SDK1: variants seen among roughly 807,000 people sequenced by gnomAD.
SDK1 encodes the protein protein sidekick-1.
SDK1 carries 157 observed loss-of-function variants against 245.5 expected under a neutral mutation model. The observed-to-expected ratio is 0.64, with a 90% CI of 0.56 to 0.73. The LOEUF (loss-of-function observed/expected upper bound fraction) is 0.73. Ranked by LOEUF, SDK1 falls within the 30% of genes least tolerant of loss-of-function variation. The pLI is 0.00. For missense variants in SDK1, 3,583 were observed against 3,002.3 expected, an observed-to-expected ratio of 1.19 and a Z score of -4.52; for synonymous variants, 1,647 against 1,278.5, an observed-to-expected ratio of 1.29 and a Z score of -6.15.
In SDK1 at chr7:3,301,689, C is replaced by A. The variant is rs1779263808; in HGVS notation, c.103C>A (p.Arg35Ser). The A allele has an allele frequency of 1.0e-6, 1 of 973,604 alleles. No individual in the cohort carries two copies. 60.3% of individuals were successfully genotyped at this position (973,604 alleles called of 1,614,324 possible). Reference sequence around the variant, plus strand: ...GCGGCCGCGGGGATCCCCGCCCGGCCGCGCCCGCCCCTCGCTGGCGCCGCG... The same window carrying A: ...GCGGCCGCGGGGATCCCCGCCCGGCAGCGCCCGCCCCTCGCTGGCGCCGCG... Reference protein sequence around the residue: ...PGRPRGSPPGRARPSLAPRPG... With the variant: ...PGRPRGSPPGSARPSLAPRPG... Residue 35 changes from arginine to serine, a missense_variant, in exon 1 of 45, where the codon CGC becomes AGC. Transcript: ENST00000404826.
intron 4 of SDK1, among the ~76,000 whole-genome samples, chr7:3,685,224 A>AG (rs1554247546): frequency 6.6e-6 from 1 of 151,788 alleles, no homozygotes; most frequent in Non-Finnish European, 1.5e-5. Context: ...TAAAAAAAAA[A>AG]AGAGAGAAAT....
At chr7:3,873,982 C>G (rs1583499509) in intron 5 of SDK1, among the ~76,000 whole-genome samples, 1 of 151,974 alleles carries the variant, frequency 6.6e-6, no homozygotes, top group Non-Finnish European at 1.5e-5. Flanking sequence ...GAGTATTTTT[C>G]CTTGCTTTTT....
chr7:3,682,105 G>A (rs1156410599), intron 4 of SDK1, among the ~76,000 whole-genome samples: 4 of 152,212 alleles, frequency 2.6e-5, no homozygotes, highest in African/African-American at 9.6e-5. Context: ...CAGACGACCA[G>A]TGAAGATTAT....
intron 32 of SDK1, among the ~76,000 whole-genome samples, chr7:4,166,906 C>T (rs924347835): frequency 3.3e-5 from 5 of 152,128 alleles, no homozygotes; most frequent in Non-Finnish European, 5.9e-5. Flanking sequence ...GCAGAGGGTC[C>T]GAGGTCACCG....
At chr7:3,981,865 T>C (rs1238089209) in intron 13 of SDK1, among the ~76,000 whole-genome samples, 1 of 152,224 alleles carries the variant, frequency 6.6e-6, no homozygotes, top group Non-Finnish European at 1.5e-5. Flanking sequence ...CAGCAGGTGC[T>C]GATGGAGAAA....
chr7:3,944,710 A>G (rs1461394500), intron 5 of SDK1, among the ~76,000 whole-genome samples: 2 of 152,242 alleles, frequency 1.3e-5, no homozygotes, highest in East Asian at 3.8e-4. Context: ...TCTTGCTTAC[A>G]AAAGGAGCAA....
intron 1 of SDK1, among the ~76,000 whole-genome samples, chr7:3,513,209 C>T (rs1782638250): frequency 6.6e-6 from 1 of 152,260 alleles, no homozygotes; most frequent in Middle Eastern, 3.4e-3. Context: ...CTCCCAGCAC[C>T]ACTGTGGGTG....
chr7:3,610,421 G>A (rs528080389), intron 1 of SDK1, among the ~76,000 whole-genome samples: 3 of 152,254 alleles, frequency 2.0e-5, no homozygotes, highest in African/African-American at 7.2e-5. Flanking sequence ...TCTTATTTTG[G>A]TTGGTCATAC....
intron 4 of SDK1, among the ~76,000 whole-genome samples, chr7:3,663,212 A>C (rs1583284584): frequency 6.6e-6 from 1 of 152,208 alleles, no homozygotes; most frequent in African/African-American, 2.4e-5. Context: ...AATGAGTAAA[A>C]TTGTGATACT....
intron 4 of SDK1, among the ~76,000 whole-genome samples, chr7:3,811,837 G>T (rs983530183): frequency 2.0e-5 from 3 of 152,202 alleles, no homozygotes; most frequent in African/African-American, 7.2e-5. Flanking sequence ...TACCTTGTAG[G>T]CTAGAGAACT....
At chr7:3,430,373 A>G (rs1779806014) in intron 1 of SDK1, among the ~76,000 whole-genome samples, 1 of 152,156 alleles carries the variant, frequency 6.6e-6, no homozygotes, top group African/African-American at 2.4e-5. Context: ...TTCCAAGACT[A>G]CAAGCGTATT....
At chr7:3,385,906 A>C (rs932781676) in intron 1 of SDK1, among the ~76,000 whole-genome samples, 1 of 152,164 alleles carries the variant, frequency 6.6e-6, no homozygotes, top group African/African-American at 2.4e-5. Flanking sequence ...TAGGTTAGTT[A>C]GTAGTCATAC....
intron 30 of SDK1, among the ~76,000 whole-genome samples, chr7:4,151,931 A>G (rs1780410452): frequency 6.6e-6 from 1 of 152,234 alleles, no homozygotes; most frequent in South Asian, 2.1e-4. Context: ...CACGTCCTAC[A>G]GTTAATTTAC....
chr7:3,674,824 T>C (rs1202623129), intron 4 of SDK1, among the ~76,000 whole-genome samples: 1 of 152,176 alleles, frequency 6.6e-6, no homozygotes, highest in African/African-American at 2.4e-5. Flanking sequence ...AGATTGGCTC[T>C]GTGTTCAGCA....
intron 4 of SDK1, among the ~76,000 whole-genome samples, chr7:3,803,257 T>C (rs1211649257): frequency 6.6e-6 from 1 of 152,152 alleles, no homozygotes; most frequent in African/African-American, 2.4e-5. Context: ...TTTGGTCAAA[T>C]GCTTCTTGTT....
At chr7:3,568,108 A>G (rs1037898763) in intron 1 of SDK1, among the ~76,000 whole-genome samples, 1 of 152,226 alleles carries the variant, frequency 6.6e-6, no homozygotes, top group East Asian at 1.9e-4. Flanking sequence ...GGCATGAACC[A>G]CTGTGTCCAA....
chr7:3,498,453 A>G (rs1782091325), intron 1 of SDK1, among the ~76,000 whole-genome samples: 1 of 152,140 alleles, frequency 6.6e-6, no homozygotes, highest in Admixed American at 6.6e-5. Context: ...TAGCTTTCTC[A>G]TTGCATTTTT....
intron 5 of SDK1, among the ~76,000 whole-genome samples, chr7:3,914,957 A>G (rs1779313212): frequency 1.3e-5 from 2 of 152,144 alleles, no homozygotes; most frequent in Admixed American, 6.5e-5. Flanking sequence ...GTGGTTGTTG[A>G]TAGTATGGAT....
intron 5 of SDK1, among the ~76,000 whole-genome samples, chr7:3,902,773 A>G (rs1376628414): frequency 4.6e-5 from 7 of 152,234 alleles, no homozygotes; most frequent in Admixed American, 2.6e-4. Context: ...AGCTGTTTTC[A>G]AAGTTCCTGG....
Sources: gnomAD v4.1 joint callset for allele counts (sites outside exome capture counted in the v4.1 genomes callset) on GRCh38, gnomAD v4.1.1 for gene constraint, MANE v1.5 for transcripts, NCBI Gene and HGNC (gene_info 2026-07-23, HGNC 2026-07-21) for gene names.